PAQR5: variants seen among roughly 807,000 people sequenced by gnomAD.
PAQR5 encodes membrane progestin receptor gamma.
Under a neutral mutation model 34.5 loss-of-function variants are expected in PAQR5, and 20 were observed. The observed-to-expected ratio is 0.58, with a 90% CI of 0.41 to 0.84. The LOEUF (loss-of-function observed/expected upper bound fraction) is 0.84, where lower values mean the gene tolerates loss of function less well. Ranked by LOEUF, PAQR5 falls within the 40% of genes least tolerant of loss-of-function variation. The probability of loss-of-function intolerance (pLI) is 0.00; values close to 1 mark genes in which losing one functional copy is unlikely to be tolerated. For synonymous variants in PAQR5, 131 were observed against 155.6 expected, an observed-to-expected ratio of 0.84 and a Z score of 1.18; for missense variants, 378 against 412.7, an observed-to-expected ratio of 0.92 and a Z score of 0.73.
chr15:69,354,889 G>T (rs1470891302), intron 2 of PAQR5, among the ~76,000 whole-genome samples: 2 of 152,176 alleles, frequency 1.3e-5, no homozygotes, highest in Admixed American at 6.5e-5. Flanking sequence ...TCCTGGAGCT[G>T]GGTCACCCTT....
Position 69,402,551 on chromosome 15 carries a change from C to T in PAQR5, c.752-1030C>T, listed in dbSNP as rs552515353. Among the ~76,000 whole-genome samples, 32 of 151,960 alleles carry T rather than the reference C, an allele frequency of 2.1e-4. No individual in the cohort carries two copies. The South Asian group carries it at 6.2e-3, about 30-fold the overall frequency. On this transcript the variant is annotated intron_variant, in intron 8 of 8. Coordinates refer to ENST00000395407, the MANE Select transcript of PAQR5 (RefSeq NM_017705.4). ...CAAAATGGTCTCTATCTCCTGACCT[C>T]GTGATCCACCCGCCTCAGCCTCCCA...
intron 2 of PAQR5, among the ~76,000 whole-genome samples, chr15:69,339,176 C>CT (rs1555415751): frequency 3.4e-5 from 5 of 146,566 alleles, no homozygotes; most frequent in East Asian, 2.1e-4. Context: ...CTACACCCCC[C>CT]ACCCCGCCAC....
In PAQR5 at chr15:69,322,671, A is replaced by G. The variant is rs891179183; in HGVS notation, c.-276-14670A>G. On this transcript the variant is annotated intron_variant, in intron 1 of 8. Coordinates refer to ENST00000395407, the MANE Select transcript of PAQR5 (RefSeq NM_017705.4). ...CCCTGTCTCAAAAAAAAAAAAAAAA[A>G]AAGAAGAAGAAGGAGAAGAGGAAGA... Among the ~76,000 whole-genome samples the G allele has an allele frequency of 5.2e-3, 632 of 121,776 alleles. 61 individuals are homozygous for G. The Admixed American group carries it at 0.053, about 10-fold the overall frequency. 79.9% of individuals were successfully genotyped at this position (121,776 alleles called of 152,430 possible). A position where few individuals can be genotyped will look rare whatever the true frequency, so the allele number is the denominator to read the frequency against.
At chr15:69,396,506 C>T (rs563213237) in intron 6 of PAQR5, among the ~76,000 whole-genome samples, 11 of 152,280 alleles carry the variant, frequency 7.2e-5, no homozygotes, top group African/African-American at 2.6e-4. Flanking sequence ...GTTCCTTACC[C>T]TGCAGCCCTG....
intron 5 of PAQR5, 122 bp from the exon 6 acceptor site, chr15:69,389,532 G>A (rs1299579876): frequency 1.6e-6 from 2 of 1,257,658 alleles, no homozygotes; most frequent in East Asian, 2.4e-5. Flanking sequence ...CACCAGCGAG[G>A]GCGCAGAGCC....
At chr15:69,303,384 C>T (rs944967279) in intron 1 of PAQR5, among the ~76,000 whole-genome samples, 16 of 152,074 alleles carry the variant, frequency 1.1e-4, no homozygotes, top group South Asian at 4.1e-4. Context: ...AATGGACAGC[C>T]GCCACATGAG....
At chr15:69,383,362 C>CCCTCCGTGCT (rs1567033404) in intron 4 of PAQR5, among the ~76,000 whole-genome samples, 104 of 142,878 alleles carry the variant, frequency 7.3e-4, no homozygotes, top group East Asian at 1.3e-3. Flanking sequence ...GGTGAGTGGG[C>CCCTCCGTGCT]CTTTGTGTAC....
intron 1 of PAQR5, among the ~76,000 whole-genome samples, chr15:69,304,089 T>C (rs1014322964): frequency 6.6e-6 from 1 of 152,174 alleles, no homozygotes; most frequent in African/African-American, 2.4e-5. Flanking sequence ...GATAATGCTT[T>C]GCCTGAAGAA....
intron 1 of PAQR5, among the ~76,000 whole-genome samples, chr15:69,313,845 G>T (rs1293341417): frequency 6.6e-6 from 1 of 152,152 alleles, no homozygotes; most frequent in African/African-American, 2.4e-5. Context: ...CCAACAGTGA[G>T]GGTGGGGATC....
chr15:69,379,915 C>T lies in PAQR5; in HGVS notation c.84C>T (p.Tyr28=). ...VFHEQGILFG[Y]RHPQSSATAC... ...ATGAGCAAGGCATCCTGTTCGGCTA[C>T]CGCCATCCACAGAGTTCTGCCACTG... is the stretch of plus-strand genomic sequence containing the variant. The change falls in exon 4 of 9, where the codon TAC becomes TAT. Residue 28 remains tyrosine, a synonymous_variant. Coordinates refer to ENST00000395407, the MANE Select transcript of PAQR5 (RefSeq NM_017705.4). 1 of 1,614,122 alleles carries T rather than the reference C, an allele frequency of 6.2e-7. No homozygotes were observed. The highest frequency in any genetic ancestry group is 8.5e-7 in the Non-Finnish European group (1 of 1,179,998).
intron 6 of PAQR5, among the ~76,000 whole-genome samples, chr15:69,390,829 GT>G (rs113062143): frequency 0.08 from 11,483 of 142,784 alleles, 946 homozygotes; most frequent in African/African-American, 0.21. Flanking sequence ...AATTCCCACT[GT>G]TTTTTTTTTT....
At chr15:69,344,130 G>A (rs749338465) in intron 2 of PAQR5, among the ~76,000 whole-genome samples, 10 of 152,130 alleles carry the variant, frequency 6.6e-5, no homozygotes, top group Non-Finnish European at 8.8e-5. Flanking sequence ...CACCATGCCC[G>A]GCTACAGCAA....
rs145568252 is a variant in PAQR5, at chr15:69,350,087, C to A, written c.-115-9879C>A. On this transcript the variant is annotated intron_variant, in intron 2 of 8. Coordinates refer to ENST00000395407, the MANE Select transcript of PAQR5 (RefSeq NM_017705.4). ...CAGACTTTACAATGGGAAAAGCAGT[C>A]GCTTAATTGGAAAAGTTAAATGCAG... 2.0e-5 allele frequency among the ~76,000 whole-genome samples: 3 copies of A among 152,196 alleles called. No individual in the cohort carries two copies. The East Asian group carries it at 5.8e-4, about 29-fold the overall frequency.
intron 4 of PAQR5, 100 bp downstream of exon 4, chr15:69,380,110 C>A: frequency 7.2e-7 from 1 of 1,385,890 alleles, no homozygotes; most frequent in Non-Finnish European, 1.0e-6. Flanking sequence ...AGATTCTGTG[C>A]TGGGGTTTGG....
At chr15:69,328,754 C>A (rs1015224684) in intron 1 of PAQR5, among the ~76,000 whole-genome samples, 6 of 152,182 alleles carry the variant, frequency 3.9e-5, no homozygotes, top group Admixed American at 2.0e-4. Context: ...TGTCACCCAT[C>A]CCCCTGGGTC....
Position 69,404,638 on chromosome 15 carries a change from T to C in PAQR5, c.*816T>C, listed in dbSNP as rs903884051. 2.3e-5 allele frequency: 6 copies of C among 263,262 alleles called. No individual in the cohort carries two copies. Among genetic ancestry groups the C allele is most frequent in the Non-Finnish European group, 4.3e-5 (6 of 140,912 alleles). The allele number at this position is 263,262 out of a possible 1,614,324, so 16.3% of individuals were successfully genotyped here. A position where few individuals can be genotyped will look rare whatever the true frequency, so the allele number is the denominator to read the frequency against. ...CAATTGGTTGTGCTCATATGCCACC[T>C]TTTAAACCAATGGAAATTGCTATAT... On this transcript the variant is annotated 3_prime_UTR_variant, in exon 9 of 9. Transcript: ENST00000395407.
chr15:69,304,990 T>C (rs2053682419), intron 1 of PAQR5, among the ~76,000 whole-genome samples: 1 of 152,228 alleles, frequency 6.6e-6, no homozygotes, highest in East Asian at 1.9e-4. Flanking sequence ...ATCTAATGCA[T>C]AGTGTGACTT....
intron 2 of PAQR5, among the ~76,000 whole-genome samples, chr15:69,356,994 C>T (rs1314876939): frequency 6.6e-6 from 1 of 151,628 alleles, no homozygotes; most frequent in African/African-American, 2.4e-5. Flanking sequence ...GTGCTGTCTT[C>T]GAGATAGTGA....
chr15:69,303,691 C>G (rs2053653900), intron 1 of PAQR5, among the ~76,000 whole-genome samples: 1 of 152,134 alleles, frequency 6.6e-6, no homozygotes, highest in African/African-American at 2.4e-5. Context: ...GTGGCATTCC[C>G]ATGGACTTGG....
Sources: allele counts gnomAD v4.1 joint callset (sites outside exome capture counted in the v4.1 genomes callset), GRCh38; gene constraint gnomAD v4.1.1; transcripts MANE v1.5; gene names NCBI Gene and HGNC (gene_info 2026-07-23, HGNC 2026-07-21).